CPS1: variants seen among roughly 807,000 people sequenced by gnomAD.
CPS1 encodes the protein carbamoyl-phosphate synthase 1.
Under a neutral mutation model 174.6 loss-of-function variants are expected in CPS1, and 109 were observed. The observed-to-expected ratio is 0.62, with a 90% CI of 0.53 to 0.73. CPS1 has a LOEUF of 0.73. CPS1 is among the 30% of genes least tolerant of loss of function. The probability of loss-of-function intolerance (pLI) is 0.00; values close to 1 mark genes in which losing one functional copy is unlikely to be tolerated. For missense variants in CPS1, 1,689 were observed against 1,821.9 expected, an observed-to-expected ratio of 0.93 and a Z score of 1.33; for synonymous variants, 637 against 632.0, an observed-to-expected ratio of 1.01 and a Z score of -0.12.
chr2:210,626,276 T>C (rs1699695437), intron 21 of CPS1, among the ~76,000 whole-genome samples: 4 of 152,108 alleles, frequency 2.6e-5, no homozygotes, highest in Admixed American at 2.0e-4. Flanking sequence ...TCAACAATAT[T>C]TGTATGATAA....
chr2:210,611,998 TTATGATATA>T, intron 19 of CPS1, 110 bp from the exon 20 acceptor site: 2 of 907,276 alleles, frequency 2.2e-6, no homozygotes, highest in African/African-American at 1.7e-5. Flanking sequence ...TTGAGAGGCT[TTATGATATA>T]TTTTTTGTTC....
chr2:210,648,634 T>C, intron 27 of CPS1, 94 bp downstream of exon 27: 1 of 979,972 alleles, frequency 1.0e-6, no homozygotes, highest in Admixed American at 1.7e-5. Flanking sequence ...GTTCTATATG[T>C]AGTAATTTAT....
rs779643063 is a variant in CPS1, at chr2:210,605,221, T to C, written c.1956T>C (p.Asn652=). The C allele has an allele frequency of 6.2e-7, 1 of 1,611,976 alleles. No individual in the cohort carries two copies. The highest frequency in any genetic ancestry group is 1.1e-5 in the South Asian group (1 of 91,036). The change falls in exon 17 of 38, where the codon AAT becomes AAC. Residue 652 remains asparagine, a synonymous_variant. Transcript: ENST00000233072. ...DNCVTVCNME[N]VDAMGVHTGD... ...GTGTCACTGTCTGTAACATGGAAAA[T>C]GTTGATGCCATGGGTGTTCACACAG...
At chr2:210,501,961 TCA>T (rs2105963567) in intron 1 of CPS1, among the ~76,000 whole-genome samples, 1 of 152,250 alleles carries the variant, frequency 6.6e-6, no homozygotes, top group South Asian at 2.1e-4. Flanking sequence ...TTTAATTGAC[TCA>T]CAGTTCCACA....
intron 1 of CPS1, among the ~76,000 whole-genome samples, chr2:210,550,152 C>T (rs1696689566): frequency 6.6e-6 from 1 of 151,930 alleles, no homozygotes; most frequent in Non-Finnish European, 1.5e-5. Context: ...TAATATAAAA[C>T]ATAATAAACC....
At chr2:210,564,711 G>A (rs1697242318) in intron 1 of CPS1, among the ~76,000 whole-genome samples, 2 of 152,102 alleles carry the variant, frequency 1.3e-5, no homozygotes, top group South Asian at 4.1e-4. Flanking sequence ...TAGGAATGGG[G>A]GCCGGACTTG....
chr2:210,514,167 C>T (rs572572455), intron 1 of CPS1, among the ~76,000 whole-genome samples: 1 of 151,874 alleles, frequency 6.6e-6, no homozygotes. Context: ...GCTTCTCAAG[C>T]TCTTTTTTGG....
chr2:210,593,334 C>A (rs1698373810), intron 11 of CPS1: 4 of 1,132,632 alleles, frequency 3.5e-6, no homozygotes, highest in Non-Finnish European at 4.4e-6. Context: ...TCACAAAAAT[C>A]CCTATGGCAA....
chr2:210,576,410 A>G lies in CPS1; in HGVS notation c.301A>G (p.Ile101Val), dbSNP rs375511261. The change falls in exon 3 of 38, where the codon ATT (isoleucine) becomes GTT (valine). Residue 101 changes from isoleucine (I) to valine (V), a missense_variant. By Grantham distance (29) the Ile-to-Val change is conservative. Transcript: ENST00000233072. ...GQILTMANPI[I>V]GNGGAPDTTA... ...GATTCTCACAATGGCCAACCCTATT[A>G]TTGGGAATGGTGGAGCTCCTGATAC... 6.2e-7 allele frequency: 1 copy of G among 1,613,766 alleles called. No homozygotes were observed. The highest frequency in any genetic ancestry group is 8.5e-7 in the Non-Finnish European group (1 of 1,179,752).
At chr2:210,671,460 A>C (rs1186345336) in intron 34 of CPS1, among the ~76,000 whole-genome samples, 1 of 152,140 alleles carries the variant, frequency 6.6e-6, no homozygotes, top group Non-Finnish European at 1.5e-5. Flanking sequence ...CATTGGAGGA[A>C]ATATATATAT....
chr2:210,579,818 G>A, intron 5 of CPS1, 48 bp downstream of exon 5: 1 of 1,424,718 alleles, frequency 7.0e-7, no homozygotes. Flanking sequence ...GGGTGTGTGT[G>A]TGTGTGTGTG....
chr2:210,665,852 G>T (rs1490129412), intron 33 of CPS1, among the ~76,000 whole-genome samples: 10 of 142,564 alleles, frequency 7.0e-5, no homozygotes, highest in Non-Finnish European at 1.2e-4. Context: ...GTAATGGGAT[G>T]GCTGGGTCAA....
At chr2:210,478,781 T>C (rs1432881092) in intron 1 of CPS1, among the ~76,000 whole-genome samples, 1 of 152,226 alleles carries the variant, frequency 6.6e-6, no homozygotes, top group African/African-American at 2.4e-5. Context: ...CTTCTGAAGA[T>C]GATGTGAAGC....
At chr2:210,667,178 G>A (rs902148999) in intron 33 of CPS1, among the ~76,000 whole-genome samples, 3 of 152,146 alleles carry the variant, frequency 2.0e-5, no homozygotes, top group Non-Finnish European at 4.4e-5. Flanking sequence ...CATTGATTTT[G>A]TATCCTGAGA....
In CPS1 at chr2:210,642,526, G is replaced by A. The variant is rs545355868; in HGVS notation, c.3002G>A (p.Arg1001His). 6 of 1,613,802 alleles carry A rather than the reference G, an allele frequency of 3.7e-6. No homozygotes were observed. The highest frequency in any genetic ancestry group is 5.1e-6 in the Non-Finnish European group (6 of 1,179,868). ...EFDWCAVSSIRTLRQLGKKTV... is the reference protein window; with the variant it reads ...EFDWCAVSSIHTLRQLGKKTV... ...GATTGGTGTGCTGTCTCTAGTATCC[G>A]CACACTGCGTCAACTTGGCAAGAAG... Residue 1001 changes from arginine to histidine, a missense_variant, in exon 25 of 38, where the codon CGC becomes CAC. Coordinates refer to ENST00000233072, the MANE Select transcript of CPS1 (RefSeq NM_001875.5).
intron 1 of CPS1, among the ~76,000 whole-genome samples, chr2:210,502,264 C>G (rs1695158851): frequency 6.6e-6 from 1 of 151,932 alleles, no homozygotes; most frequent in Admixed American, 6.6e-5. Context: ...CGAATTAATG[C>G]TCACAGAGTT....
chr2:210,550,573 CA>C (rs1226453639), intron 1 of CPS1, among the ~76,000 whole-genome samples: 3 of 152,090 alleles, frequency 2.0e-5, no homozygotes, highest in South Asian at 4.1e-4. Flanking sequence ...ATGCCTAGCT[CA>C]GGGGATCAAC....
chr2:210,568,845 A>G (rs1453064699), intron 1 of CPS1, among the ~76,000 whole-genome samples: 1 of 152,142 alleles, frequency 6.6e-6, no homozygotes, highest in Non-Finnish European at 1.5e-5. Context: ...AGAATTTGAA[A>G]CATGGTTAAA....
chr2:210,587,489 C>A (rs1698147417), intron 6 of CPS1, among the ~76,000 whole-genome samples: 1 of 152,030 alleles, frequency 6.6e-6, no homozygotes, highest in Admixed American at 6.6e-5. Context: ...TGAAATCTAC[C>A]ATTTAAATGC....
Sources: gnomAD v4.1 joint callset for allele counts (sites outside exome capture counted in the v4.1 genomes callset) on GRCh38, gnomAD v4.1.1 for gene constraint, MANE v1.5 for transcripts, NCBI Gene and HGNC (gene_info 2026-07-23, HGNC 2026-07-21) for gene names.